The following PCDH15 variants were observed in gnomAD, a reference collection of about 807,000 sequenced individuals.
PCDH15 encodes protocadherin-15.
A neutral mutation model predicts 178.5 loss-of-function variants in PCDH15; 129 were observed. The observed-to-expected ratio is 0.72, with a 90% CI of 0.63 to 0.84. PCDH15 has a LOEUF of 0.84. Ranked by LOEUF, PCDH15 falls within the 40% of genes least tolerant of loss-of-function variation. The pLI, the probability that PCDH15 is intolerant of heterozygous loss-of-function variation, is 0.00. For missense variants in PCDH15, 2,230 were observed against 2,099.9 expected, an observed-to-expected ratio of 1.06 and a Z score of -1.21; for synonymous variants, 800 against 732.0, an observed-to-expected ratio of 1.09 and a Z score of -1.50.
At chr10:54,596,601 TA>T (rs2092253421) in intron 2 of PCDH15, among the ~76,000 whole-genome samples, 3 of 152,130 alleles carry the variant, frequency 2.0e-5, no homozygotes, top group Admixed American at 1.3e-4. Flanking sequence ...TACACATTAA[TA>T]CTAACCTTGA....
intron 26 of PCDH15, among the ~76,000 whole-genome samples, chr10:53,894,823 G>A (rs1336476238): frequency 6.6e-6 from 1 of 152,130 alleles, no homozygotes; most frequent in African/African-American, 2.4e-5. Flanking sequence ...AGATATCTGT[G>A]GCACAGAGTG....
At chr10:55,612,878 TACTC>T (rs960867040) in intron 2 of PCDH15, among the ~76,000 whole-genome samples, 8 of 152,132 alleles carry the variant, frequency 5.3e-5, no homozygotes, top group Non-Finnish European at 1.0e-4. Flanking sequence ...AAACTTCAAA[TACTC>T]ACACTTTATA....
intron 2 of PCDH15, among the ~76,000 whole-genome samples, chr10:55,055,471 C>G (rs376200066): frequency 1.3e-5 from 2 of 152,272 alleles, no homozygotes; most frequent in South Asian, 2.1e-4. Context: ...CTTACCCCTA[C>G]TGCACATTTT....
intron 1 of PCDH15, among the ~76,000 whole-genome samples, chr10:54,733,085 A>G (rs1476055351): frequency 4.0e-5 from 6 of 151,566 alleles, no homozygotes; most frequent in Admixed American, 6.6e-5. Context: ...CAAAGCAAGT[A>G]TATCTCTTCC....
chr10:54,905,760 A>T (rs1019747490), intron 2 of PCDH15, among the ~76,000 whole-genome samples: 1 of 152,106 alleles, frequency 6.6e-6, no homozygotes, highest in African/African-American at 2.4e-5. Context: ...AGGGGTTGAG[A>T]TCTCTGAGTC....
chr10:55,323,423 T>A (rs965854878), upstream of PCDH15, among the ~76,000 whole-genome samples: 1 of 151,958 alleles, frequency 6.6e-6, no homozygotes, highest in Non-Finnish European at 1.5e-5. Context: ...CCAGAGACAC[T>A]CAACAACAGC....
At chr10:54,507,165 A>G (rs2081243063) in intron 3 of PCDH15, among the ~76,000 whole-genome samples, 1 of 151,908 alleles carries the variant, frequency 6.6e-6, no homozygotes, top group Admixed American at 6.6e-5. Context: ...TTTGTCTTGC[A>G]CTTTACTCTA....
chr10:54,395,584 CA>C (rs1951104665), intron 3 of PCDH15, among the ~76,000 whole-genome samples: 1 of 151,742 alleles, frequency 6.6e-6, no homozygotes, highest in South Asian at 2.1e-4. Flanking sequence ...TTTTGTTATG[CA>C]TCGTTTTGAT....
intron 29 of PCDH15, among the ~76,000 whole-genome samples, chr10:53,835,329 AAGAC>A (rs1433919747): frequency 1.3e-5 from 2 of 152,110 alleles, no homozygotes; most frequent in African/African-American, 4.8e-5. Context: ...GGCTGGATAT[AAGAC>A]AGATAAACAA....
intron 13 of PCDH15, among the ~76,000 whole-genome samples, chr10:54,169,122 A>G (rs991063530): frequency 2.0e-5 from 3 of 151,192 alleles, no homozygotes; most frequent in East Asian, 3.9e-4. Flanking sequence ...CCCACTGAAA[A>G]TCGGACTGTT....
At chr10:54,870,072 C>T (rs1282080143) in intron 3 of PCDH15, among the ~76,000 whole-genome samples, 1 of 152,152 alleles carries the variant, frequency 6.6e-6, no homozygotes, top group Non-Finnish European at 1.5e-5. Flanking sequence ...ATTTTCCTGA[C>T]CTGTTTGTCT....
chr10:53,917,275 G>T (rs935371239), intron 25 of PCDH15, among the ~76,000 whole-genome samples: 1 of 151,962 alleles, frequency 6.6e-6, no homozygotes, highest in Non-Finnish European at 1.5e-5. Context: ...AATACAAGCC[G>T]AATAGGAATT....
At chr10:54,197,398 A>G (rs1002813814) in intron 10 of PCDH15, among the ~76,000 whole-genome samples, 1 of 152,096 alleles carries the variant, frequency 6.6e-6, no homozygotes, top group African/African-American at 2.4e-5. Context: ...CTTCTGGAAA[A>G]TCTCCTCCAA....
At chr10:53,848,004 T>A (rs941782878) in intron 28 of PCDH15, among the ~76,000 whole-genome samples, 2 of 152,100 alleles carry the variant, frequency 1.3e-5, no homozygotes, top group South Asian at 4.1e-4. Context: ...AACGGAATTC[T>A]CTTGCATAAA....
intron 29 of PCDH15, among the ~76,000 whole-genome samples, chr10:53,839,198 G>A (rs1404708069): frequency 1.1e-4 from 8 of 70,146 alleles, no homozygotes; most frequent in African/African-American, 6.0e-4. Flanking sequence ...GTGAGTCTCC[G>A]TCTCAAAAAA....
intron 6 of PCDH15, among the ~76,000 whole-genome samples, chr10:54,335,396 T>A (rs1017667873): frequency 6.6e-6 from 1 of 152,186 alleles, no homozygotes; most frequent in Non-Finnish European, 1.5e-5. Context: ...TGTCAAAGCA[T>A]CACAGGATCT....
chr10:54,081,674 T>G (rs1156340778), intron 16 of PCDH15, among the ~76,000 whole-genome samples: 3 of 152,092 alleles, frequency 2.0e-5, no homozygotes, highest in Non-Finnish European at 2.9e-5. Flanking sequence ...ACCAGCTAGA[T>G]GGAGGCTATC....
At chr10:54,020,651 A>T (rs572839483) in intron 19 of PCDH15, among the ~76,000 whole-genome samples, 27 of 144,894 alleles carry the variant, frequency 1.9e-4, no homozygotes, top group African/African-American at 7.7e-4. Context: ...AGACAGTGAG[A>T]GGGAGAGTCA....
intron 18 of PCDH15, among the ~76,000 whole-genome samples, chr10:54,062,246 A>AAAAAAAC (rs1293238835): frequency 7.4e-6 from 1 of 135,050 alleles, no homozygotes. Context: ...AAAAAAAAAA[A>AAAAAAAC]AAAAAACAAA....
Sources: gnomAD v4.1 joint callset for allele counts (sites outside exome capture counted in the v4.1 genomes callset) on GRCh38, gnomAD v4.1.1 for gene constraint, MANE v1.5 for transcripts, NCBI Gene and HGNC (gene_info 2026-07-23, HGNC 2026-07-21) for gene names.